The following COL6A2 variants were observed in gnomAD, a reference collection of about 807,000 sequenced individuals.
COL6A2 encodes collagen alpha-2(VI) chain.
Under a neutral mutation model 124.9 loss-of-function variants are expected in COL6A2, and 90 were observed. That is an observed-to-expected ratio of 0.72 (90% CI 0.61 to 0.86). The LOEUF (loss-of-function observed/expected upper bound fraction) is 0.86. COL6A2 is among the 40% of genes least tolerant of loss of function. COL6A2 has a pLI of 0.00. For missense variants in COL6A2, 1,607 were observed against 1,502.5 expected, an observed-to-expected ratio of 1.07 and a Z score of -1.15; for synonymous variants, 793 against 618.2, an observed-to-expected ratio of 1.28 and a Z score of -4.19.
At chr21:46,125,116 G>T in intron 23 of COL6A2, 150 bp from the exon 24 acceptor site, 1 of 1,018,984 alleles carries the variant, frequency 9.8e-7, no homozygotes, top group Non-Finnish European at 1.5e-6. Context: ...GGGTGGCAGC[G>T]AGGTTGGTAG....
chr21:46,113,023 G>C lies in COL6A2; in HGVS notation c.735+199G>C, dbSNP rs2078426478. The stretch of plus-strand genomic sequence containing the variant: ...AAGCTAGGCTGTTTAGATCCCGTGA[G>C]GGTCAGCGTTAGGGTCACCCACAGA... On this transcript the variant is annotated intron_variant, in intron 4 of 27. Transcript: ENST00000300527. The C allele has an allele frequency of 2.3e-5, 16 of 686,080 alleles. 1 individual carries two copies. In the South Asian group the frequency reaches 2.8e-4, roughly 12 times the overall value. 42.5% of individuals were successfully genotyped at this position (686,080 alleles called of 1,614,324 possible). A position where few individuals can be genotyped will look rare whatever the true frequency, so the allele number is the denominator to read the frequency against.
chr21:46,122,264 A>G, intron 19 of COL6A2, 106 bp downstream of exon 19: 2 of 1,365,694 alleles, frequency 1.5e-6, no homozygotes, highest in Non-Finnish European at 2.1e-6. Flanking sequence ...TGCAGAAGAA[A>G]GTGTGAGGTC....
intron 1 of COL6A2, among the ~76,000 whole-genome samples, chr21:46,105,981 C>T (rs1432117959): frequency 1.3e-5 from 2 of 152,140 alleles, no homozygotes; most frequent in Non-Finnish European, 2.9e-5. Flanking sequence ...ATGCTCTCTA[C>T]AAGAGATGCA....
intron 27 of COL6A2, among the ~76,000 whole-genome samples, chr21:46,127,054 C>G (rs1319220599): frequency 6.6e-6 from 1 of 152,142 alleles, no homozygotes; most frequent in Non-Finnish European, 1.5e-5. Context: ...CGGATGTGGC[C>G]CACGTGGGTG....
chr21:46,132,592 AC>A lies in COL6A2; in HGVS notation c.*44del. ...CCCCGCAGTCGAGGGTCGTGAGCCC[AC>A]CCCGTCCATGGTGCTAAGCGGGCCC... is the stretch of plus-strand genomic sequence containing the variant. On this transcript the variant is annotated 3_prime_UTR_variant, in exon 28 of 28. Transcript: ENST00000300527. The A allele has an allele frequency of 6.5e-7, 1 of 1,545,580 alleles. No individual in the cohort carries two copies.
In COL6A2 at chr21:46,122,946, CACCGTCCCGAAGCCCACAGCA is replaced by C; in HGVS notation, c.1671+10_1671+30del. 2 of 1,612,854 alleles carry C rather than the reference CACCGTCCCGAAGCCCACAGCA, an allele frequency of 1.2e-6. No homozygotes were observed. The highest frequency in any genetic ancestry group is 1.7e-6 in the Non-Finnish European group (2 of 1,179,670). On this transcript the variant is annotated intron_variant, in intron 21 of 27. Coordinates refer to ENST00000300527, the MANE Select transcript of COL6A2 (RefSeq NM_001849.4). ...GAGAGAAAGGAGAGCCTGTGAGTGTCACCGTCCCGAAGCCCACAGCAGCTGGGCAGAGGCAGGGAGGGGCCC... is the reference window on the plus strand; with the variant it reads ...GAGAGAAAGGAGAGCCTGTGAGTGTCGCTGGGCAGAGGCAGGGAGGGGCCC...
intron 27 of COL6A2, chr21:46,129,459 G>T (rs1259766272): frequency 1.2e-6 from 2 of 1,600,906 alleles, no homozygotes; most frequent in Non-Finnish European, 1.7e-6. Context: ...GGACATCGTG[G>T]GGGACCCCGA....
In COL6A2 at chr21:46,126,515, T is replaced by C. The variant is rs886044025; in HGVS notation, c.2435T>C (p.Val812Ala). The change falls in exon 27 of 28, where the codon GTG (valine) becomes GCG (alanine). Residue 812 changes from valine (V) to alanine (A), a missense_variant. Transcript: ENST00000300527. ...EDVLCPDPQIVCPDLPCQTEL... is the reference protein window; with the variant it reads ...EDVLCPDPQIACPDLPCQTEL... ...TCCTCTCTTCCAGACCCTCAGATCG[T>C]GTGCCCAGACCTTCCCTGCCAAACA... 1.9e-6 allele frequency: 3 copies of C among 1,612,894 alleles called. No homozygotes were observed. The highest frequency in any genetic ancestry group is 2.5e-6 in the Non-Finnish European group (3 of 1,179,560).
intron 1 of COL6A2, among the ~76,000 whole-genome samples, chr21:46,104,774 A>C (rs1225108351): frequency 3.3e-5 from 5 of 152,258 alleles, no homozygotes; most frequent in Non-Finnish European, 5.9e-5. Context: ...AGATTTTGAA[A>C]ACAGCAAGAA....
At chr21:46,131,013 C>T (rs2078753431) in intron 27 of COL6A2, among the ~76,000 whole-genome samples, 1 of 152,238 alleles carries the variant, frequency 6.6e-6, no homozygotes, top group Non-Finnish European at 1.5e-5. Flanking sequence ...ACCTCCAGGG[C>T]CCCCAGAAAC....
At chr21:46,100,688 T>TA (rs76322881) in intron 1 of COL6A2, among the ~76,000 whole-genome samples, 72,470 of 152,052 alleles carry the variant, frequency 0.48, 18,042 homozygotes, top group Admixed American at 0.58. Flanking sequence ...TCACGTGGCT[T>TA]AATGTCCTCC....
rs779952528 is a variant in COL6A2 at position 46,132,464 on chromosome 21, G to C, written c.2972G>C (p.Gly991Ala). The change falls in exon 28 of 28, where the codon GGT (glycine) becomes GCT (alanine). Residue 991 changes from glycine to alanine, a missense_variant. By Grantham distance (60) the Gly-to-Ala change is moderately conservative. This residue lies in a region of COL6A2 where 1,223 missense variants were observed against 1,052.2 expected (regional missense o/e 1.16). Transcript: ENST00000300527. Reference sequence around the variant, plus strand: ...GACGTGCTCACCACGCTCAGCCTGGGTGACCGCGCCGCCGTGTTCCACGAG... The same window carrying C: ...GACGTGCTCACCACGCTCAGCCTGGCTGACCGCGCCGCCGTGTTCCACGAG... ...DMDVLTTLSLGDRAAVFHEKD... is the reference protein window; with the variant it reads ...DMDVLTTLSLADRAAVFHEKD... 6.2e-7 allele frequency: 1 copy of C among 1,606,790 alleles called. No homozygotes were observed. The highest frequency in any genetic ancestry group is 1.1e-5 in the South Asian group (1 of 90,988).
intron 27 of COL6A2, among the ~76,000 whole-genome samples, chr21:46,127,105 G>C (rs868320474): frequency 6.6e-6 from 1 of 152,156 alleles, no homozygotes; most frequent in Admixed American, 6.5e-5. Flanking sequence ...TCTGCTGGAC[G>C]TGGTGCTGCC....
chr21:46,124,078 G>C lies in COL6A2; in HGVS notation c.1672-573G>C, dbSNP rs1258337303. ...TGAGTGAACGGATGGACCGATGGATGAATGGGTGGGTGGGTAGAGGATGGA... is the reference window on the plus strand; with the variant it reads ...TGAGTGAACGGATGGACCGATGGATCAATGGGTGGGTGGGTAGAGGATGGA... On this transcript the variant is annotated intron_variant, in intron 21 of 27. Transcript: ENST00000300527. Among the ~76,000 whole-genome samples, 11 of 151,438 alleles carry C rather than the reference G, an allele frequency of 7.3e-5. No homozygotes were observed. The South Asian group carries it at 1.9e-3, about 26-fold the overall frequency.
At chr21:46,109,839 C>A (rs1264390510) in intron 1 of COL6A2, among the ~76,000 whole-genome samples, 1 of 152,182 alleles carries the variant, frequency 6.6e-6, no homozygotes, top group Non-Finnish European at 1.5e-5. Flanking sequence ...CCTGGCTCCC[C>A]AAGAGTGCAG....
intron 27 of COL6A2, among the ~76,000 whole-genome samples, chr21:46,128,143 C>T (rs2078702176): frequency 6.6e-6 from 1 of 152,212 alleles, no homozygotes; most frequent in African/African-American, 2.4e-5. Flanking sequence ...GCCCATTCTC[C>T]CTCCTGGGAG....
chr21:46,117,250 A>G (rs2078486652), intron 10 of COL6A2, 150 bp from the exon 11 acceptor site: 1 of 761,904 alleles, frequency 1.3e-6, no homozygotes, highest in Non-Finnish European at 2.2e-6. Context: ...ACAGCTCCAC[A>G]GCAGCCGTGG....
At chr21:46,104,731 C>T (rs1446643724) in intron 1 of COL6A2, among the ~76,000 whole-genome samples, 2 of 152,200 alleles carry the variant, frequency 1.3e-5, no homozygotes, top group East Asian at 3.8e-4. Context: ...CACACTGAAA[C>T]ATTCTAATCA....
chr21:46,129,446 C>A, intron 27 of COL6A2: 1 of 1,604,354 alleles, frequency 6.2e-7, no homozygotes, highest in Non-Finnish European at 8.5e-7. Context: ...AGCTGGTGCA[C>A]AGGGACATCG....
Sources: gnomAD v4.1 joint callset for allele counts (sites outside exome capture counted in the v4.1 genomes callset) on GRCh38, gnomAD v4.1.1 for gene constraint, gnomAD v4.1.1 regional missense constraint, MANE v1.5 for transcripts, NCBI Gene and HGNC (gene_info 2026-07-23, HGNC 2026-07-21) for gene names.